EVC2: variants seen among roughly 807,000 people sequenced by gnomAD.
EVC2 encodes EvC ciliary complex subunit 2, also known as limbin.
A neutral mutation model predicts 149.3 loss-of-function variants in EVC2; 148 were observed. The observed-to-expected ratio is 0.99, with a 90% CI of 0.87 to 1.14. EVC2 has a LOEUF of 1.14. EVC2 is among the 50% of genes most tolerant of loss of function. The pLI, the probability that EVC2 is intolerant of heterozygous loss-of-function variation, is 0.00. For missense variants in EVC2, 1,854 were observed against 1,627.3 expected (o/e 1.14, Z -2.40); for synonymous variants, 776 against 649.9 (o/e 1.19, Z -2.95).
At position 5,691,295 on chromosome 4, in the gene EVC2, T is replaced by C. The variant is rs2151733929; in HGVS notation, c.489A>G (p.Glu163=). 6.2e-7 allele frequency: 1 copy of C among 1,613,700 alleles called. No homozygotes were observed. The highest frequency in any genetic ancestry group is 8.5e-7 in the Non-Finnish European group (1 of 1,179,718). ...DISREVQGTS[E]NGVIFQKCAL... is the part of the protein sequence containing the mutation. Reference sequence around the variant, plus strand: ...CACATTTCTGAAAAATTACTCCATTTTCAGAAGTCCCTTGAACTTCTCTTG... The same window carrying C: ...CACATTTCTGAAAAATTACTCCATTCTCAGAAGTCCCTTGAACTTCTCTTG... The change falls in exon 4 of 22, where the codon GAA becomes GAG. Residue 163 remains glutamate (E), a synonymous_variant. Coordinates refer to ENST00000344408, the MANE Select transcript of EVC2 (RefSeq NM_147127.5).
At chr4:5,536,843 C>T in the EVC2 span, among the ~76,000 whole-genome samples, 1 of 151,830 alleles carries the variant, frequency 6.6e-6, no homozygotes, top group Non-Finnish European at 1.5e-5. Context: ...TTCCCAAAGC[C>T]TCAGGAGAAA....
chr4:5,560,728 A>C (rs1405367765), downstream of EVC2, among the ~76,000 whole-genome samples: 1 of 152,240 alleles, frequency 6.6e-6, no homozygotes, highest in Non-Finnish European at 1.5e-5. This position sits in a 1 kb window ranked among gnomAD's most constrained non-coding sequence, Gnocchi z 4.1. Context: ...ATTTCATCAG[A>C]CATTACAGAC....
At position 5,633,778 on chromosome 4, in the gene EVC2, T is replaced by A. The variant is rs769384343; in HGVS notation, c.1471-1746A>T. On this transcript the variant is annotated intron_variant, in intron 10 of 21. Transcript: ENST00000344408. This position sits in a 1 kb window ranked among gnomAD's most constrained non-coding sequence, Gnocchi z 4.4. ...TCCTTCAGGCTAAACAAGGTTGGAA[T>A]GCTCTATCACCCACCAGAATTCTCT... Among the ~76,000 whole-genome samples, 2 of 152,232 alleles carry A rather than the reference T, an allele frequency of 1.3e-5. No homozygotes were observed. The highest frequency in any genetic ancestry group is 4.8e-5 in the African/African-American group (2 of 41,468).
chr4:5,623,847 A>G (rs1715915249), intron 13 of EVC2, among the ~76,000 whole-genome samples: 1 of 152,196 alleles, frequency 6.6e-6, no homozygotes. Flanking sequence ...GGATAATAAT[A>G]GGACCTCCCT....
In EVC2 at chr4:5,615,445, C is replaced by T. The variant is rs780913081; in HGVS notation, c.2806G>A (p.Ala936Thr). 3 of 1,614,190 alleles carry T rather than the reference C, an allele frequency of 1.9e-6. No individual in the cohort carries two copies. Among genetic ancestry groups the T allele is most frequent in the Non-Finnish European group, 2.5e-6 (3 of 1,180,030 alleles). ...ACCTTTTCCACCAGGTCTTCAGAGG[C>T]CTGTTCCTCACAGAGGTGAATTTTG... ...EDKIHLCEEQ[A>T]SEDLVEKVRG... Residue 936 changes from alanine to threonine, a missense_variant, in exon 16 of 22, where the codon GCC (alanine) becomes ACC (threonine). Transcript: ENST00000344408.
chr4:5,624,746 G>A (rs772327475), intron 13 of EVC2, among the ~76,000 whole-genome samples: 3 of 152,170 alleles, frequency 2.0e-5, no homozygotes, highest in Non-Finnish European at 2.9e-5. Flanking sequence ...ATGCTCAAAG[G>A]TGGCAAAGAT....
chr4:5,570,288 T>G (rs1303943058), intron 19 of EVC2, among the ~76,000 whole-genome samples: 1 of 152,218 alleles, frequency 6.6e-6, no homozygotes, highest in Non-Finnish European at 1.5e-5. Context: ...CACCTCTTCC[T>G]GAGGCAGGGT....
intron 9 of EVC2, among the ~76,000 whole-genome samples, chr4:5,654,282 G>A (rs146235988): frequency 1.7e-4 from 26 of 151,988 alleles, no homozygotes; most frequent in Middle Eastern, 3.4e-3. Flanking sequence ...AGTGAGGCCT[G>A]GAGTCAGCCC....
intron 7 of EVC2, among the ~76,000 whole-genome samples, chr4:5,675,319 T>A (rs1719917803): frequency 6.6e-6 from 1 of 152,204 alleles, no homozygotes; most frequent in Non-Finnish European, 1.5e-5. Flanking sequence ...ATATTTAGAT[T>A]TTAATCTAAT....
intron 4 of EVC2, among the ~76,000 whole-genome samples, chr4:5,690,717 A>G (rs1435085453): frequency 1.3e-5 from 2 of 152,186 alleles, no homozygotes; most frequent in Non-Finnish European, 2.9e-5. Context: ...CCGGAAGCTC[A>G]TGCCTGGTCT....
chr4:5,633,571 G>T lies in EVC2; in HGVS notation c.1471-1539C>A, dbSNP rs1716699628. ...ACTCAAGGCAGTGACAGTGGAGCTT[G>T]TTGGTGAAGCGAAGGCAGGGAAAGG... On this transcript the variant is annotated intron_variant, in intron 10 of 21. Coordinates refer to ENST00000344408, the MANE Select transcript of EVC2 (RefSeq NM_147127.5). The surrounding 1 kb of genome is among the most constrained non-coding windows in gnomAD (Gnocchi z 4.4). Among the ~76,000 whole-genome samples the T allele has an allele frequency of 6.6e-6, 1 of 152,256 alleles. No individual in the cohort carries two copies. Among genetic ancestry groups the T allele is most frequent in the African/African-American group, 2.4e-5 (1 of 41,476 alleles).
Position 5,664,507 on chromosome 4 carries a change from T to C in EVC2, c.1005+1008A>G, listed in dbSNP as rs941535695. ...AGCAGGGTGCGTTTAGTTCTTCTGATTGATAACAGCTTTGGGAGAATCAGT... is the reference window on the plus strand; with the variant it reads ...AGCAGGGTGCGTTTAGTTCTTCTGACTGATAACAGCTTTGGGAGAATCAGT... On this transcript the variant is annotated intron_variant, in intron 8 of 21. Transcript: ENST00000344408. 9.2e-5 allele frequency among the ~76,000 whole-genome samples: 14 copies of C among 152,338 alleles called. No homozygotes were observed. The East Asian group carries it at 2.3e-3, about 25-fold the overall frequency.
chr4:5,572,325 T>A (rs1055462544), intron 19 of EVC2, among the ~76,000 whole-genome samples: 1 of 152,228 alleles, frequency 6.6e-6, no homozygotes, highest in South Asian at 2.1e-4. Flanking sequence ...CCAAAACTCA[T>A]GTTGAAACTT....
chr4:5,704,092 C>T (rs574860188), intron 1 of EVC2, among the ~76,000 whole-genome samples: 14 of 152,128 alleles, frequency 9.2e-5, no homozygotes, highest in South Asian at 2.1e-4. Flanking sequence ...TGAGCTACTC[C>T]GTGATGAGTG....
intron 21 of EVC2, among the ~76,000 whole-genome samples, chr4:5,564,436 T>C (rs922951672): frequency 2.0e-5 from 3 of 152,224 alleles, no homozygotes; most frequent in African/African-American, 7.2e-5. Context: ...TCTGAGACTA[T>C]ATTGTGATAA....
chr4:5,565,147 T>C, intron 21 of EVC2, 111 bp downstream of exon 21: 1 of 999,426 alleles, frequency 1.0e-6, no homozygotes, highest in Non-Finnish European at 1.6e-6. Flanking sequence ...CACAAATCTT[T>C]GTCTGTTTGC....
the EVC2 span, among the ~76,000 whole-genome samples, chr4:5,533,512 C>T: frequency 1.3e-5 from 2 of 152,162 alleles, no homozygotes; most frequent in East Asian, 3.9e-4. Flanking sequence ...GGATGGGAAG[C>T]CCTTAAAAGG....
chr4:5,539,819 G>A (rs1384143124), downstream of EVC2, among the ~76,000 whole-genome samples: 1 of 150,812 alleles, frequency 6.6e-6, no homozygotes, highest in African/African-American at 2.4e-5. Context: ...GTGACCTTGA[G>A]TTGAGCAAAT....
At chr4:5,603,822 A>T (rs1714183386) in intron 16 of EVC2, among the ~76,000 whole-genome samples, 1 of 152,202 alleles carries the variant, frequency 6.6e-6, no homozygotes, top group Non-Finnish European at 1.5e-5. Context: ...TGGTTATGTC[A>T]TTTTCATTTA....
Sources: gnomAD v4.1 joint callset for allele counts (sites outside exome capture counted in the v4.1 genomes callset) on GRCh38, gnomAD v4.1.1 for gene constraint, Gnocchi (gnomAD v3.1) non-coding constraint, MANE v1.5 for transcripts, NCBI Gene and HGNC (gene_info 2026-07-23, HGNC 2026-07-21) for gene names.